Variants in PDE1A observed in about 807,000 individuals in gnomAD.
The protein encoded by PDE1A is dual specificity calcium/calmodulin-dependent 3',5'-cyclic nucleotide phosphodiesterase 1A.
PDE1A carries 35 observed loss-of-function variants against 61.7 expected under a neutral mutation model. The ratio of observed to expected loss-of-function variants is 0.57; its 90% CI spans 0.43 to 0.75. The LOEUF (loss-of-function observed/expected upper bound fraction) is 0.75. Ranked by LOEUF, PDE1A falls within the 30% of genes least tolerant of loss-of-function variation. The pLI is 0.00. For missense variants in PDE1A, 597 were observed against 630.6 expected (o/e 0.95, Z 0.57); for synonymous variants, 232 against 213.2 (o/e 1.09, Z -0.77).
chr2:182,326,774 A>T (rs1697073847), intron 1 of PDE1A, among the ~76,000 whole-genome samples: 1 of 152,130 alleles, frequency 6.6e-6, no homozygotes. Context: ...ACTTGGTAAG[A>T]GTGAGTTAGA....
chr2:182,523,183 T>C (rs540302778), upstream of PDE1A: 1 of 152,266 alleles, frequency 6.6e-6, no homozygotes, highest in South Asian at 2.1e-4. Context: ...GCCTGCTCTA[T>C]GAATCCTTTG....
In PDE1A at chr2:182,296,605, G is replaced by A. The variant is rs79371268; in HGVS notation, c.54-32191C>T. ...AAGGCTAACTAATAAAGAGGCCACC[G>A]ATCTTCAAGTGAGGAACACCTAGCA... On this transcript the variant is annotated intron_variant, in intron 1 of 13. Coordinates refer to ENST00000351439, the Ensembl canonical transcript of PDE1A. Among the ~76,000 whole-genome samples the A allele has an allele frequency of 1.3e-3, 196 of 152,236 alleles. 2 individuals carry two copies. In the East Asian group the frequency reaches 0.035, roughly 28 times the overall value.
At chr2:182,158,885 A>C (rs1559122910) in intron 13 of PDE1A, among the ~76,000 whole-genome samples, 1 of 152,224 alleles carries the variant, frequency 6.6e-6, no homozygotes, top group Non-Finnish European at 1.5e-5. Flanking sequence ...AGAAAGAACA[A>C]AATACAGAAA....
At chr2:182,592,191 G>A in the PDE1A span, among the ~76,000 whole-genome samples, 24 of 152,296 alleles carry the variant, frequency 1.6e-4, no homozygotes, top group African/African-American at 5.8e-4. Context: ...CAGGAAAAAA[G>A]TGATAAAGCT....
At chr2:182,346,708 C>T (rs1436064158) in intron 1 of PDE1A, among the ~76,000 whole-genome samples, 1 of 152,092 alleles carries the variant, frequency 6.6e-6, no homozygotes. Context: ...TGAATCTATG[C>T]ACATACAGAT....
intron 1 of PDE1A, among the ~76,000 whole-genome samples, chr2:182,410,201 A>G (rs1257517863): frequency 2.1e-5 from 3 of 145,026 alleles, no homozygotes; most frequent in Non-Finnish European, 4.6e-5. Context: ...TTTAAAAAAG[A>G]AAAATTTTTT....
intron 13 of PDE1A, among the ~76,000 whole-genome samples, chr2:182,179,950 T>G (rs13400054): frequency 6.6e-6 from 1 of 152,096 alleles, no homozygotes; most frequent in South Asian, 2.1e-4. Flanking sequence ...AGGGTTAATA[T>G]GATGATGAGC....
At chr2:182,320,314 G>A (rs1258944571) in intron 1 of PDE1A, among the ~76,000 whole-genome samples, 1 of 152,138 alleles carries the variant, frequency 6.6e-6, no homozygotes, top group Non-Finnish European at 1.5e-5. Context: ...TCATTCAGCA[G>A]ACAGCTGGTG....
chr2:182,639,770 C>A, the PDE1A span, among the ~76,000 whole-genome samples: 4 of 151,322 alleles, frequency 2.6e-5, no homozygotes, highest in South Asian at 6.2e-4. Flanking sequence ...ATACATGTAA[C>A]TGGAATCCTG....
In PDE1A at chr2:182,209,713, CCT is replaced by C. The variant is rs1414948295; in HGVS notation, c.777-3650_777-3649del. Among the ~76,000 whole-genome samples the C allele has an allele frequency of 7.2e-5, 11 of 151,942 alleles. No homozygotes were observed. The East Asian group carries it at 2.2e-3, about 30-fold the overall frequency. On this transcript the variant is annotated intron_variant, in intron 7 of 13. Transcript: ENST00000351439. The stretch of plus-strand genomic sequence containing the variant: ...GTGTGCAGCACTTCCCCCTTCACTC[CCT>C]CTCTTGCCACCATGTGAAAATATGC...
At chr2:182,650,082 C>G in the PDE1A span, among the ~76,000 whole-genome samples, 23,691 of 151,830 alleles carry the variant, frequency 0.16, 2,436 homozygotes, top group African/African-American at 0.29. Flanking sequence ...GCGAGACTCT[C>G]TCTCCAAAAA....
the PDE1A span, among the ~76,000 whole-genome samples, chr2:182,677,304 A>G: frequency 6.6e-6 from 1 of 152,146 alleles, no homozygotes; most frequent in Non-Finnish European, 1.5e-5. Flanking sequence ...TCCCATTCAC[A>G]ATTGCCATAA....
intron 2 of PDE1A, among the ~76,000 whole-genome samples, chr2:182,517,199 CA>C (rs1690259077): frequency 6.6e-6 from 1 of 152,118 alleles, no homozygotes; most frequent in South Asian, 2.1e-4. Context: ...CATGTTCTAC[CA>C]GATACTAGCT....
chr2:182,588,564 C>G, the PDE1A span, among the ~76,000 whole-genome samples: 20 of 152,088 alleles, frequency 1.3e-4, no homozygotes, highest in Non-Finnish European at 2.4e-4. Flanking sequence ...CCATATGACC[C>G]TTTTTCATAT....
the PDE1A span, among the ~76,000 whole-genome samples, chr2:182,534,809 G>A: frequency 2.0e-4 from 30 of 151,280 alleles, no homozygotes; most frequent in East Asian, 3.9e-4. Context: ...TGTTGAATTC[G>A]TCTCTTTGTT....
intron 7 of PDE1A, among the ~76,000 whole-genome samples, chr2:182,209,872 T>C (rs1451266328): frequency 1.3e-5 from 2 of 152,184 alleles, no homozygotes; most frequent in African/African-American, 4.8e-5. Context: ...TTATCCATTC[T>C]CTGCCAGCTT....
At chr2:182,654,175 C>T in the PDE1A span, among the ~76,000 whole-genome samples, 2 of 152,144 alleles carry the variant, frequency 1.3e-5, no homozygotes, top group East Asian at 3.8e-4. Context: ...TACCAAGTAC[C>T]AGAGGCTATA....
intron 1 of PDE1A, among the ~76,000 whole-genome samples, chr2:182,349,038 T>C (rs1016692451): frequency 4.6e-5 from 7 of 152,168 alleles, no homozygotes; most frequent in Non-Finnish European, 1.0e-4. Flanking sequence ...CTAGGTAGAA[T>C]AAAATGTCAT....
intron 2 of PDE1A, among the ~76,000 whole-genome samples, chr2:182,483,596 G>T (rs776959072): frequency 2.6e-5 from 4 of 151,784 alleles, no homozygotes; most frequent in Non-Finnish European, 5.9e-5. Flanking sequence ...AATACATTTT[G>T]AACTTAATAA....
Sources: allele counts gnomAD v4.1 joint callset (sites outside exome capture counted in the v4.1 genomes callset), GRCh38; gene constraint gnomAD v4.1.1; transcripts MANE v1.5; gene names NCBI Gene and HGNC (gene_info 2026-07-23, HGNC 2026-07-21).